CTIF: variants seen among roughly 807,000 people sequenced by gnomAD.
CTIF encodes cap binding complex dependent translation initiation factor.
Under a neutral mutation model 66.0 loss-of-function variants are expected in CTIF, and 21 were observed. That is an observed-to-expected ratio of 0.32 (90% CI 0.23 to 0.46). The LOEUF (loss-of-function observed/expected upper bound fraction) is 0.46, where lower values mean the gene tolerates loss of function less well. Ranked by LOEUF, CTIF falls within the 20% of genes least tolerant of loss-of-function variation. The pLI is 1.00. For synonymous variants in CTIF, 345 were observed against 326.4 expected, an observed-to-expected ratio of 1.06 and a Z score of -0.62; for missense variants, 739 against 812.7, an observed-to-expected ratio of 0.91 and a Z score of 1.10.
intron 7 of CTIF, among the ~76,000 whole-genome samples, chr18:48,753,601 C>T (rs1264683243): frequency 6.9e-6 from 1 of 143,900 alleles, no homozygotes; most frequent in Non-Finnish European, 1.5e-5. Context: ...TTCCATTCTC[C>T]AAAAAAAAAA....
intron 7 of CTIF, among the ~76,000 whole-genome samples, chr18:48,739,491 C>G (rs537948791): frequency 3.3e-5 from 5 of 152,348 alleles, no homozygotes; most frequent in African/African-American, 1.2e-4. Context: ...CTGCTCTGGC[C>G]CTGGCTCTGC....
chr18:48,628,783 C>T (rs1427380439), intron 2 of CTIF, among the ~76,000 whole-genome samples: 1 of 152,192 alleles, frequency 6.6e-6, no homozygotes, highest in Non-Finnish European at 1.5e-5. Flanking sequence ...TTGTTTGTTC[C>T]TTAAAAGATG....
intron 1 of CTIF, among the ~76,000 whole-genome samples, chr18:48,574,989 T>C (rs2089498792): frequency 6.6e-6 from 1 of 152,228 alleles, no homozygotes; most frequent in African/African-American, 2.4e-5. Context: ...GTAATAGTGA[T>C]GACAGGTGTT....
intron 10 of CTIF, among the ~76,000 whole-genome samples, chr18:48,849,637 A>AG (rs2069156502): frequency 7.0e-6 from 1 of 142,190 alleles, no homozygotes; most frequent in Admixed American, 7.1e-5. Flanking sequence ...CCAGGCTGGA[A>AG]TGCAGTGGCA....
chr18:48,626,644 C>A (rs1446138031), intron 2 of CTIF, among the ~76,000 whole-genome samples: 1 of 124,572 alleles, frequency 8.0e-6, no homozygotes, highest in African/African-American at 3.3e-5. Context: ...CGCACCTGGC[C>A]GTTTTTTTTT....
At chr18:48,845,812 C>T (rs2069058222) in intron 10 of CTIF, among the ~76,000 whole-genome samples, 2 of 152,186 alleles carry the variant, frequency 1.3e-5, no homozygotes, top group Admixed American at 6.5e-5. Flanking sequence ...TGACCAAACC[C>T]CAAACCTGGG....
intron 7 of CTIF, among the ~76,000 whole-genome samples, chr18:48,717,991 G>A (rs1039743101): frequency 7.2e-5 from 11 of 152,098 alleles, no homozygotes; most frequent in Admixed American, 6.5e-5. Context: ...CTCCTCTCCC[G>A]TCAACCTTCC....
chr18:48,678,493 G>A (rs12953974), intron 6 of CTIF, among the ~76,000 whole-genome samples: 19,177 of 151,950 alleles, frequency 0.13, 1,381 homozygotes, highest in South Asian at 0.29. Context: ...TCTCCAATCC[G>A]TGGTTTCCTG....
intron 6 of CTIF, among the ~76,000 whole-genome samples, chr18:48,709,221 T>C (rs2092196015): frequency 6.6e-6 from 1 of 152,238 alleles, no homozygotes; most frequent in Admixed American, 6.5e-5. Context: ...ATTCACAGTC[T>C]AACTCTAGAG....
chr18:48,630,168 G>A (rs1301889872), intron 2 of CTIF, among the ~76,000 whole-genome samples: 2 of 151,926 alleles, frequency 1.3e-5, no homozygotes, highest in Admixed American at 6.6e-5. Context: ...CTCTACCTGC[G>A]CGTCACTGCC....
intron 3 of CTIF, among the ~76,000 whole-genome samples, chr18:48,645,278 C>CAA (rs74174711): frequency 3.0e-4 from 21 of 69,184 alleles, no homozygotes; most frequent in Middle Eastern, 0.012. Flanking sequence ...TGGACACAGG[C>CAA]AAAAAAAAAA....
chr18:48,689,636 C>T (rs1477190113), intron 6 of CTIF, among the ~76,000 whole-genome samples: 1 of 152,204 alleles, frequency 6.6e-6, no homozygotes, highest in Non-Finnish European at 1.5e-5. Flanking sequence ...CCATATAACA[C>T]AGCCCCTTTC....
intron 7 of CTIF, among the ~76,000 whole-genome samples, chr18:48,740,477 C>G (rs2092544384): frequency 6.6e-6 from 1 of 152,242 alleles, no homozygotes. Context: ...CTGGGCCTTC[C>G]CTGCTGGACT....
At chr18:48,594,853 C>A (rs2089960865) in intron 1 of CTIF, among the ~76,000 whole-genome samples, 1 of 152,228 alleles carries the variant, frequency 6.6e-6, no homozygotes, top group South Asian at 2.1e-4. Flanking sequence ...CAGGCTGCAG[C>A]ATGCCCTGAG....
intron 1 of CTIF, among the ~76,000 whole-genome samples, chr18:48,547,489 G>A (rs969086472): frequency 6.6e-6 from 1 of 152,206 alleles, no homozygotes; most frequent in Non-Finnish European, 1.5e-5. Context: ...CCTGGTGTGG[G>A]AATCCTGACT....
chr18:48,695,239 G>A (rs556697497), intron 6 of CTIF, among the ~76,000 whole-genome samples: 2 of 152,338 alleles, frequency 1.3e-5, no homozygotes, highest in South Asian at 4.1e-4. Context: ...CACAATTGGG[G>A]CTAACCCTTT....
chr18:48,740,840 T>C (rs1312390138), intron 7 of CTIF, among the ~76,000 whole-genome samples: 1 of 152,212 alleles, frequency 6.6e-6, no homozygotes, highest in Non-Finnish European at 1.5e-5. Flanking sequence ...CTAGAAATAT[T>C]ACAGTGTTTT....
intron 1 of CTIF, among the ~76,000 whole-genome samples, chr18:48,543,497 A>G (rs940399439): frequency 1.1e-4 from 17 of 152,186 alleles, no homozygotes; most frequent in African/African-American, 3.4e-4. Context: ...GAACCTTGCT[A>G]TAATGGTGGC....
At chr18:48,778,669 G>A (rs1250750321) in intron 9 of CTIF, among the ~76,000 whole-genome samples, 1 of 152,216 alleles carries the variant, frequency 6.6e-6, no homozygotes, top group East Asian at 1.9e-4. Flanking sequence ...CAGGTAACAG[G>A]CAGAGGTGGT....
Sources: gnomAD v4.1 joint callset for allele counts (sites outside exome capture counted in the v4.1 genomes callset) on GRCh38, gnomAD v4.1.1 for gene constraint, MANE v1.5 for transcripts, NCBI Gene and HGNC (gene_info 2026-07-23, HGNC 2026-07-21) for gene names.